The following LGSN variants were observed in gnomAD, a reference collection of about 807,000 sequenced individuals.
The protein encoded by LGSN is lengsin, lens protein with glutamine synthetase domain.
LGSN carries 21 observed loss-of-function variants against 19.5 expected under a neutral mutation model. The observed-to-expected ratio is 1.07, with a 90% CI of 0.76 to 1.55. LGSN has a LOEUF of 1.55. Ranked by LOEUF, LGSN falls within the 40% of genes most tolerant of loss-of-function variation. The pLI, the probability that LGSN is intolerant of heterozygous loss-of-function variation, is 0.00. For synonymous variants in LGSN, 257 were observed against 215.6 expected (o/e 1.19, Z -1.68); for missense variants, 673 against 608.5 (o/e 1.11, Z -1.12).
At chr6:63,480,290 C>A in the LGSN span, 1 of 215,760 alleles carries the variant, frequency 4.6e-6, no homozygotes, top group South Asian at 8.8e-5. Context: ...GTGTCATGCT[C>A]TACATTGGTA....
the LGSN span, among the ~76,000 whole-genome samples, chr6:63,357,679 G>A: frequency 6.6e-6 from 1 of 152,034 alleles, no homozygotes. Context: ...TGATGGGGTT[G>A]TTTGTTTTTT....
the LGSN span, among the ~76,000 whole-genome samples, chr6:63,414,414 A>T: frequency 2.6e-5 from 4 of 152,172 alleles, no homozygotes; most frequent in Non-Finnish European, 5.9e-5. Flanking sequence ...TGTATATAAT[A>T]TTGTAGTCTT....
In LGSN at chr6:63,298,155, C is replaced by T. The variant is rs541103889; in HGVS notation, c.31-3110G>A. Reference sequence around the variant, plus strand: ...AGAAGTGGGATTTGAAGTAGAGCTTCCAGCAACCCCCAGGAGCACTGAGTG... The same window carrying T: ...AGAAGTGGGATTTGAAGTAGAGCTTTCAGCAACCCCCAGGAGCACTGAGTG... On this transcript the variant is annotated intron_variant, in intron 1 of 3. Coordinates refer to ENST00000370657, the MANE Select transcript of LGSN (RefSeq NM_016571.3). Among the ~76,000 whole-genome samples, 7 of 152,264 alleles carry T rather than the reference C, an allele frequency of 4.6e-5. No individual in the cohort carries two copies. In the East Asian group the frequency reaches 1.4e-3, roughly 29 times the overall value.
the LGSN span, among the ~76,000 whole-genome samples, chr6:63,521,114 C>A: frequency 2.6e-5 from 4 of 151,758 alleles, no homozygotes; most frequent in African/African-American, 4.8e-5. Context: ...GGAGAGCATG[C>A]GGGGCTTAAA....
At chr6:63,343,801 A>G in the LGSN span, among the ~76,000 whole-genome samples, 869 of 152,326 alleles carry the variant, frequency 5.7e-3, 4 homozygotes, top group Non-Finnish European at 8.6e-3. Context: ...GCCTAATCAT[A>G]TCCCATGAGC....
the LGSN span, among the ~76,000 whole-genome samples, chr6:63,326,204 C>A: frequency 6.6e-6 from 1 of 151,342 alleles, no homozygotes; most frequent in Non-Finnish European, 1.5e-5. Flanking sequence ...GTGTTACAAA[C>A]CTTGAGCTAG....
At chr6:63,498,301 C>T in the LGSN span, among the ~76,000 whole-genome samples, 1 of 151,998 alleles carries the variant, frequency 6.6e-6, no homozygotes, top group Admixed American at 6.6e-5. Context: ...ATCAGATGTT[C>T]AAACAGGTCG....
the LGSN span, among the ~76,000 whole-genome samples, chr6:63,442,429 G>A: frequency 1.3e-5 from 2 of 149,130 alleles, no homozygotes; most frequent in African/African-American, 4.9e-5. Context: ...TTTACAGAGA[G>A]CTGATTGGTC....
the LGSN span, among the ~76,000 whole-genome samples, chr6:63,357,785 C>T: frequency 6.6e-6 from 1 of 152,146 alleles, no homozygotes; most frequent in East Asian, 1.9e-4. Context: ...TGTAGGTTGC[C>T]TGTTCACTCT....
At position 63,278,018 on chromosome 6, in the gene LGSN, G is replaced by A. The variant is rs1187649009; in HGVS notation, c.*2003C>T. Reference sequence around the variant, plus strand: ...GAACCCAGGGGGCAGAGGTTGCAGTGAGCCAAGACCCCCCCACATTGCACT... The same window carrying A: ...GAACCCAGGGGGCAGAGGTTGCAGTAAGCCAAGACCCCCCCACATTGCACT... On this transcript the variant is annotated 3_prime_UTR_variant, in exon 4 of 4. Coordinates refer to ENST00000370657, the MANE Select transcript of LGSN (RefSeq NM_016571.3). 5 of 150,812 alleles carry A rather than the reference G, an allele frequency of 3.3e-5. No individual in the cohort carries two copies. The highest frequency in any genetic ancestry group is 7.4e-5 in the Non-Finnish European group (5 of 67,880). 9.3% of individuals were successfully genotyped at this position (150,812 alleles called of 1,614,324 possible).
the LGSN span, among the ~76,000 whole-genome samples, chr6:63,497,733 G>C: frequency 8.1e-6 from 1 of 123,008 alleles, no homozygotes; most frequent in Non-Finnish European, 1.6e-5. Flanking sequence ...CCTGGGGAGA[G>C]TTGAATGACA....
At chr6:63,390,706 A>C in the LGSN span, among the ~76,000 whole-genome samples, 1 of 151,586 alleles carries the variant, frequency 6.6e-6, no homozygotes, top group Non-Finnish European at 1.5e-5. Context: ...AATACAAAAA[A>C]AAAGTAGCCG....
chr6:63,286,098 C>G (rs1767527707), intron 2 of LGSN, among the ~76,000 whole-genome samples: 1 of 152,114 alleles, frequency 6.6e-6, no homozygotes, highest in Non-Finnish European at 1.5e-5. Flanking sequence ...AAAAAGGGAC[C>G]ATAAAAGCCT....
chr6:63,346,377 GTAAAAA>G, the LGSN span, among the ~76,000 whole-genome samples: 1 of 151,608 alleles, frequency 6.6e-6, no homozygotes, highest in Admixed American at 6.6e-5. Context: ...AAAAGCTTCC[GTAAAAA>G]TCCCTGAACA....
chr6:63,403,383 G>A, the LGSN span, among the ~76,000 whole-genome samples: 15 of 152,022 alleles, frequency 9.9e-5, no homozygotes, highest in African/African-American at 3.6e-4. Flanking sequence ...TCTGTGGGAT[G>A]ACATAAAAAC....
At chr6:63,416,196 G>A in the LGSN span, among the ~76,000 whole-genome samples, 4 of 149,842 alleles carry the variant, frequency 2.7e-5, no homozygotes, top group Non-Finnish European at 5.9e-5. Context: ...ATTACTTAGA[G>A]GCAGCACGAT....
At chr6:63,429,436 T>TA in the LGSN span, among the ~76,000 whole-genome samples, 1 of 152,100 alleles carries the variant, frequency 6.6e-6, no homozygotes, top group Non-Finnish European at 1.5e-5. Flanking sequence ...AAACATTTCT[T>TA]AAAAATCAAG....
At chr6:63,361,480 G>T in the LGSN span, among the ~76,000 whole-genome samples, 1 of 152,206 alleles carries the variant, frequency 6.6e-6, no homozygotes, top group African/African-American at 2.4e-5. Context: ...ATCTCCTGGT[G>T]TGCCATTTGC....
At chr6:63,387,164 TAA>T in the LGSN span, among the ~76,000 whole-genome samples, 1 of 152,140 alleles carries the variant, frequency 6.6e-6, no homozygotes, top group East Asian at 1.9e-4. Flanking sequence ...GCAAAGACTT[TAA>T]ATTCAGACCT....
Sources: allele counts gnomAD v4.1 joint callset (sites outside exome capture counted in the v4.1 genomes callset), GRCh38; gene constraint gnomAD v4.1.1; transcripts MANE v1.5; gene names NCBI Gene and HGNC (gene_info 2026-07-23, HGNC 2026-07-21).